Variants in ZNF717 observed in about 807,000 individuals in gnomAD.
ZNF717 encodes krueppel-like factor X17.
In ZNF717, 9 loss-of-function variants were observed where a neutral mutation model predicts 13.8. That is an observed-to-expected ratio of 0.65 (90% CI 0.39 to 1.14). The LOEUF (loss-of-function observed/expected upper bound fraction) is 1.14, where lower values mean the gene tolerates loss of function less well. Among genes scored for constraint, ZNF717 ranks in the 50% most tolerant of loss-of-function variants. The pLI is 0.01. For missense variants in ZNF717, 1,040 were observed against 1,080.7 expected (o/e 0.96, Z 0.53); for synonymous variants, 327 against 364.1 (o/e 0.90, Z 1.16).
At chr3:75,721,863 TGAC>T (rs1938173936) in intron 4 of ZNF717, among the ~76,000 whole-genome samples, 10 of 151,744 alleles carry the variant, frequency 6.6e-5, no homozygotes, top group African/African-American at 2.2e-4. Flanking sequence ...AAAAAAAAAT[TGAC>T]AACTTCCAAA....
chr3:75,757,967 A>C (rs1407100728), intron 2 of ZNF717, among the ~76,000 whole-genome samples: 1 of 149,018 alleles, frequency 6.7e-6, no homozygotes, highest in Non-Finnish European at 1.5e-5. Flanking sequence ...AAAAAAAAAA[A>C]TTTATCTGAG....
Position 75,716,906 on chromosome 3 carries a change from G to A in ZNF717, n.545-365C>T, listed in dbSNP as rs894826107. On this transcript the variant is annotated intron_variant and non_coding_transcript_variant, in intron 4 of 5. Transcript: ENST00000491507. ...CATCCAAAGGATCCACCTCACACAA[G>A]TCCAGGGTAATTACAATGTATTGGC... Among the ~76,000 whole-genome samples, 105 of 152,274 alleles carry A rather than the reference G, an allele frequency of 6.9e-4. 1 individual carries two copies. Among genetic ancestry groups the A allele is most frequent in the Middle Eastern group, 3.4e-3 (1 of 294 alleles).
chr3:75,778,015 A>G (rs1944471612), intron 2 of ZNF717, among the ~76,000 whole-genome samples: 2 of 151,902 alleles, frequency 1.3e-5, no homozygotes, highest in South Asian at 2.1e-4. Flanking sequence ...CCGGAAACCA[A>G]AAACAATGGG....
chr3:75,732,296 T>C (rs1370261521), downstream of ZNF717, among the ~76,000 whole-genome samples: 3 of 152,352 alleles, frequency 2.0e-5, no homozygotes, highest in East Asian at 5.8e-4. Context: ...CAGTCATCCC[T>C]AAAGGGGAAG....
At chr3:75,761,990 G>T (rs1446461572) in intron 2 of ZNF717, among the ~76,000 whole-genome samples, 2 of 151,392 alleles carry the variant, frequency 1.3e-5, no homozygotes, top group Non-Finnish European at 2.9e-5. Flanking sequence ...GAAGGTGGAG[G>T]TTGCAGTCAG....
chr3:75,769,485 A>C (rs767375344), intron 2 of ZNF717, among the ~76,000 whole-genome samples: 3 of 152,220 alleles, frequency 2.0e-5, no homozygotes, highest in Non-Finnish European at 4.4e-5. Flanking sequence ...TGTGATATGT[A>C]AAAGGATAAA....
intron 2 of ZNF717, among the ~76,000 whole-genome samples, chr3:75,750,731 T>C (rs1298156206): frequency 1.3e-5 from 2 of 151,664 alleles, no homozygotes; most frequent in African/African-American, 2.4e-5. Context: ...CCTACTGAGG[T>C]CTGAATGTTT....
At chr3:75,767,076 T>G (rs1943528433) in intron 2 of ZNF717, among the ~76,000 whole-genome samples, 1 of 152,260 alleles carries the variant, frequency 6.6e-6, no homozygotes, top group Non-Finnish European at 1.5e-5. Flanking sequence ...AGGTGGTATT[T>G]GGGGACTTCA....
intron 1 of ZNF717, among the ~76,000 whole-genome samples, chr3:75,784,080 T>C (rs1261101402): frequency 6.6e-6 from 1 of 152,204 alleles, no homozygotes; most frequent in Non-Finnish European, 1.5e-5. Context: ...TGAGGAGGTC[T>C]GGAGCTACCC....
At chr3:75,770,273 G>C (rs926036832) in intron 2 of ZNF717, among the ~76,000 whole-genome samples, 1 of 152,230 alleles carries the variant, frequency 6.6e-6, no homozygotes, top group African/African-American at 2.4e-5. Context: ...ATGAAAACAA[G>C]AAGCAGGCCG....
At chr3:75,725,380 AC>A (rs1375600525), downstream of ZNF717, among the ~76,000 whole-genome samples, 2 of 150,550 alleles carry the variant, frequency 1.3e-5, no homozygotes, top group African/African-American at 4.9e-5. Context: ...CACAAATCTA[AC>A]CACTTTTTCC....
intron 2 of ZNF717, among the ~76,000 whole-genome samples, chr3:75,762,777 G>A (rs1943142341): frequency 6.6e-6 from 1 of 151,966 alleles, no homozygotes; most frequent in Non-Finnish European, 1.5e-5. Context: ...CAAAATTAAA[G>A]GTCTCAAAAC....
Position 75,715,673 on chromosome 3 carries a change from A to T in ZNF717, n.667+746T>A, listed in dbSNP as rs140748731. On this transcript the variant is annotated intron_variant and non_coding_transcript_variant, in intron 5 of 5. Transcript: ENST00000491507. Reference sequence around the variant, plus strand: ...CACTTGATATCATGAAGCTGTTGTAATTTATAAAGCCATTAATTTGAAAAC... The same window carrying T: ...CACTTGATATCATGAAGCTGTTGTATTTTATAAAGCCATTAATTTGAAAAC... Among the ~76,000 whole-genome samples the T allele has an allele frequency of 5.1e-3, 779 of 152,250 alleles. 18 individuals are homozygous for T. The East Asian group carries it at 0.072, about 14-fold the overall frequency.
intron 2 of ZNF717, among the ~76,000 whole-genome samples, chr3:75,760,885 T>C (rs1284437284): frequency 6.6e-6 from 1 of 150,820 alleles, no homozygotes; most frequent in Non-Finnish European, 1.5e-5. Flanking sequence ...TCAATAAAAA[T>C]TTTAAAACTC....
chr3:75,745,153 G>GTTTTTTTTTTTT (rs765947465), intron 2 of ZNF717, among the ~76,000 whole-genome samples: 1 of 118,216 alleles, frequency 8.5e-6, no homozygotes, highest in Non-Finnish European at 1.8e-5. Flanking sequence ...GCTGTGGTCT[G>GTTTTTTTTTTTT]TTGTTTTTTT....
At chr3:75,735,184 C>G (rs1174709997), downstream of ZNF717, among the ~76,000 whole-genome samples, 3 of 152,106 alleles carry the variant, frequency 2.0e-5, no homozygotes, top group African/African-American at 7.2e-5. Context: ...AAACAAATGG[C>G]AACAATAACA....
Position 75,738,530 on chromosome 3 carries a change from T to C in ZNF717, c.1093A>G (p.Lys365Glu). ...CCACATTCAATACATTTGTAGGGTT[T>C]ATCCCCTGTGTGAGTTCTCTCATGT... ...TLHERTHTGD[K>E]PYKCIECGKT... Residue 365 changes from lysine (K) to glutamate (E), a missense_variant, in exon 5 of 5, where the codon AAA becomes GAA. By Grantham distance (56) the Lys-to-Glu change is moderately conservative. Coordinates refer to ENST00000652011, the MANE Select transcript of ZNF717 (RefSeq NM_001290208.3). 1 of 1,541,748 alleles carries C rather than the reference T, an allele frequency of 6.5e-7. No individual in the cohort carries two copies.
intron 4 of ZNF717, among the ~76,000 whole-genome samples, chr3:75,718,558 A>G (rs1938108872): frequency 6.6e-6 from 1 of 152,188 alleles, no homozygotes; most frequent in Non-Finnish European, 1.5e-5. Context: ...TATAAGTTAC[A>G]TCAGTGGTCC....
chr3:75,720,973 TAATA>T (rs1938156308), intron 4 of ZNF717, among the ~76,000 whole-genome samples: 1 of 152,224 alleles, frequency 6.6e-6, no homozygotes, highest in African/African-American at 2.4e-5. Flanking sequence ...TACTTTTCAA[TAATA>T]AATATCAACT....
Sources: gnomAD v4.1 joint callset for allele counts (sites outside exome capture counted in the v4.1 genomes callset) on GRCh38, gnomAD v4.1.1 for gene constraint, MANE v1.5 for transcripts, NCBI Gene and HGNC (gene_info 2026-07-23, HGNC 2026-07-21) for gene names.